Variants in ARB2A observed in about 807,000 individuals in gnomAD.
The protein encoded by ARB2A is ARB2 cotranscriptional regulator A, also known as cotranscriptional regulator ARB2A.
the ARB2A span, among the ~76,000 whole-genome samples, chr5:93,819,638 A>G: frequency 6.6e-6 from 1 of 152,332 alleles, no homozygotes; most frequent in South Asian, 2.1e-4. Flanking sequence ...TTTGTTCCTC[A>G]TGGACAAAAT....
the ARB2A span, among the ~76,000 whole-genome samples, chr5:94,059,083 G>C: frequency 6.6e-6 from 1 of 151,738 alleles, no homozygotes; most frequent in Admixed American, 6.6e-5. Flanking sequence ...AGAACTGTAA[G>C]TCAAATAAAC....
chr5:93,988,207 C>G, the ARB2A span, among the ~76,000 whole-genome samples: 1 of 152,098 alleles, frequency 6.6e-6, no homozygotes, highest in Non-Finnish European at 1.5e-5. Flanking sequence ...TAACAGTGTC[C>G]TTCAGACCCA....
chr5:93,852,251 T>G, the ARB2A span, among the ~76,000 whole-genome samples: 1 of 152,206 alleles, frequency 6.6e-6, no homozygotes, highest in African/African-American at 2.4e-5. Context: ...ATGAATGTCT[T>G]CTTTTGAGAA....
chr5:93,660,174 T>G, the ARB2A span, among the ~76,000 whole-genome samples: 1 of 152,130 alleles, frequency 6.6e-6, no homozygotes, highest in African/African-American at 2.4e-5. Context: ...ATTACTACAT[T>G]GAATTCTCAC....
At chr5:93,875,883 C>T in the ARB2A span, among the ~76,000 whole-genome samples, 2 of 151,382 alleles carry the variant, frequency 1.3e-5, no homozygotes, top group Admixed American at 1.3e-4. Flanking sequence ...TGAACAGCAG[C>T]AGCCCCTTGT....
At chr5:93,928,237 C>A in the ARB2A span, among the ~76,000 whole-genome samples, 1 of 152,196 alleles carries the variant, frequency 6.6e-6, no homozygotes, top group African/African-American at 2.4e-5. Flanking sequence ...TGAGAAAGAA[C>A]CGAGGCAGTT....
At chr5:93,837,935 T>C in the ARB2A span, among the ~76,000 whole-genome samples, 2 of 152,134 alleles carry the variant, frequency 1.3e-5, no homozygotes, top group Non-Finnish European at 1.5e-5. Context: ...AGTAAGCAAA[T>C]ATTTTTCCTA....
chr5:93,803,461 C>A, the ARB2A span, among the ~76,000 whole-genome samples: 4 of 151,526 alleles, frequency 2.6e-5, no homozygotes, highest in East Asian at 5.9e-4. Flanking sequence ...ACCGCCCCCC[C>A]ACCCAAAAAG....
At chr5:93,775,214 T>C in the ARB2A span, among the ~76,000 whole-genome samples, 2 of 152,326 alleles carry the variant, frequency 1.3e-5, no homozygotes, top group Admixed American at 1.3e-4. Context: ...AATAGTTCTA[T>C]ACCTAGAATC....
chr5:94,082,999 AG>A, the ARB2A span, among the ~76,000 whole-genome samples: 5 of 152,228 alleles, frequency 3.3e-5, no homozygotes, highest in Non-Finnish European at 7.3e-5. Context: ...GACTTGAAGC[AG>A]GAAAATTCTT....
chr5:93,756,809 A>C, the ARB2A span, among the ~76,000 whole-genome samples: 1 of 152,084 alleles, frequency 6.6e-6, no homozygotes, highest in Non-Finnish European at 1.5e-5. Flanking sequence ...ATGACAAAAC[A>C]AGGCTCGTCA....
At chr5:93,707,318 T>C in the ARB2A span, among the ~76,000 whole-genome samples, 1,363 of 152,290 alleles carry the variant, frequency 9.0e-3, 19 homozygotes, top group Admixed American at 0.014. Flanking sequence ...CATAATACAA[T>C]GCAAGATCTA....
At chr5:93,660,583 A>G in the ARB2A span, among the ~76,000 whole-genome samples, 3 of 152,294 alleles carry the variant, frequency 2.0e-5, no homozygotes, top group Middle Eastern at 3.4e-3. Context: ...ATAGTAGTAG[A>G]AAACCTAATT....
chr5:93,928,343 T>A, the ARB2A span, among the ~76,000 whole-genome samples: 1 of 152,196 alleles, frequency 6.6e-6, no homozygotes, highest in Admixed American at 6.5e-5. Flanking sequence ...TAACTTTAAA[T>A]TCAAATTCAT....
At chr5:93,782,452 T>C in the ARB2A span, among the ~76,000 whole-genome samples, 4 of 152,328 alleles carry the variant, frequency 2.6e-5, no homozygotes, top group South Asian at 2.1e-4. Flanking sequence ...TTGATTTACC[T>C]AGCCAGAGTC....
At chr5:93,986,714 C>G in the ARB2A span, among the ~76,000 whole-genome samples, 1 of 152,254 alleles carries the variant, frequency 6.6e-6, no homozygotes, top group Admixed American at 6.5e-5. Context: ...TATAACCTTA[C>G]CCCCAACCCG....
the ARB2A span, among the ~76,000 whole-genome samples, chr5:94,105,596 A>ACT: frequency 6.6e-6 from 1 of 152,110 alleles, no homozygotes; most frequent in Non-Finnish European, 1.5e-5. Flanking sequence ...CTATCAAGCT[A>ACT]CCAATGACAT....
At chr5:93,946,260 A>T in the ARB2A span, among the ~76,000 whole-genome samples, 3 of 152,138 alleles carry the variant, frequency 2.0e-5, no homozygotes, top group Non-Finnish European at 4.4e-5. Flanking sequence ...GAAACCCAGG[A>T]TAATACACAG....
At chr5:93,768,194 G>C in the ARB2A span, among the ~76,000 whole-genome samples, 2 of 151,350 alleles carry the variant, frequency 1.3e-5, no homozygotes, top group East Asian at 1.9e-4. Context: ...TGGGGACTTG[G>C]GGGGGAAGAG....
Sources: allele counts gnomAD v4.1 joint callset (sites outside exome capture counted in the v4.1 genomes callset), GRCh38; gene constraint gnomAD v4.1.1; transcripts MANE v1.5; gene names NCBI Gene and HGNC (gene_info 2026-07-23, HGNC 2026-07-21).